The following SLC46A2 variants were observed in gnomAD, a reference collection of about 807,000 sequenced individuals.
The protein encoded by SLC46A2 is solute carrier family 46 member 2.
Under a neutral mutation model 33.1 loss-of-function variants are expected in SLC46A2, and 25 were observed. That is an observed-to-expected ratio of 0.76 (90% confidence interval 0.55 to 1.06). The LOEUF (loss-of-function observed/expected upper bound fraction) is 1.06, where lower values mean the gene tolerates loss of function less well. SLC46A2 is among the 50% of genes least tolerant of loss of function. The pLI is 0.00. For synonymous variants in SLC46A2, 254 were observed against 275.9 expected, an observed-to-expected ratio of 0.92 and a Z score of 0.79; for missense variants, 622 against 621.7, an observed-to-expected ratio of 1.00 and a Z score of 0.00.
chr9:112,890,801 CG>C lies in SLC46A2; in HGVS notation c.-121del, dbSNP rs1554760564. On this transcript the variant is annotated 5_prime_UTR_variant, in exon 1 of 4. Coordinates refer to ENST00000374228, the MANE Select transcript of SLC46A2 (RefSeq NM_033051.4). The surrounding 1 kb of genome is among the most constrained non-coding windows in gnomAD (Gnocchi z 6.0). ...CGGAGCGCGAGTGTGCTCCGTGCGC[CG>C]GGAGCGCGAGTGTGCTCCGTGCGCC... The C allele has an allele frequency of 6.4e-6, 5 of 779,904 alleles. No individual in the cohort carries two copies. Among genetic ancestry groups the C allele is most frequent in the Non-Finnish European group, 8.9e-6 (5 of 564,228 alleles). 48.3% of individuals were successfully genotyped at this position (779,904 alleles called of 1,614,324 possible). A position where few individuals can be genotyped will look rare whatever the true frequency, so the allele number is the denominator to read the frequency against.
In SLC46A2 at chr9:112,890,124, G is replaced by A. The variant is rs1239102677; in HGVS notation, c.558C>T (p.Cys186=). Residue 186 remains cysteine, a synonymous_variant, in exon 1 of 4, where the codon TGC becomes TGT. Transcript: ENST00000374228. This position sits in a 1 kb window ranked among gnomAD's most constrained non-coding sequence, Gnocchi z 6.0. The stretch of plus-strand genomic sequence containing the variant: ...AGAGATGCCCGGAAGCCATGCTCCC[G>A]CAGAACCCCGCCAAGCCCAGCATCA... The part of the protein sequence containing the change: ...IDLMLGLAGF[C]GSMASGHLFK... The A allele has an allele frequency of 6.2e-7, 1 of 1,613,408 alleles. No individual in the cohort carries two copies. Among genetic ancestry groups the A allele is most frequent in the Non-Finnish European group, 8.5e-7 (1 of 1,179,900 alleles).
intron 3 of SLC46A2, among the ~76,000 whole-genome samples, chr9:112,880,714 C>T (rs929622614): frequency 6.6e-6 from 1 of 152,204 alleles, no homozygotes; most frequent in Non-Finnish European, 1.5e-5. Context: ...GGCAATTGAA[C>T]TTGGTGGTCC....
intron 2 of SLC46A2, 55 bp from the exon 3 acceptor site, chr9:112,886,671 C>G (rs1841646698): frequency 2.5e-6 from 4 of 1,594,434 alleles, no homozygotes; most frequent in Non-Finnish European, 3.4e-6. Flanking sequence ...GCCTCACTCC[C>G]CATTAGCTGA....
At chr9:112,888,899 T>G (rs10759606) in intron 1 of SLC46A2, among the ~76,000 whole-genome samples, 109,126 of 136,662 alleles carry the variant, frequency 0.8, 43,593 homozygotes, top group Non-Finnish European at 0.86. Context: ...TTGTTTGTTT[T>G]TTTTTTTTTG....
chr9:112,887,201 G>A (rs761799978), intron 2 of SLC46A2, 129 bp downstream of exon 2: 3 of 780,204 alleles, frequency 3.8e-6, no homozygotes, highest in Non-Finnish European at 6.2e-6. Flanking sequence ...ATGGAAACCA[G>A]TGTTTCTAGT....
intron 3 of SLC46A2, among the ~76,000 whole-genome samples, chr9:112,880,708 A>G (rs1419270097): frequency 6.6e-6 from 1 of 152,186 alleles, no homozygotes; most frequent in Non-Finnish European, 1.5e-5. Context: ...GCAATGGGCA[A>G]TTGAACTTGG....
intron 2 of SLC46A2, 151 bp downstream of exon 2, chr9:112,887,179 T>C (rs1841652296): frequency 1.5e-6 from 1 of 678,624 alleles, no homozygotes; most frequent in East Asian, 2.9e-5. Flanking sequence ...GTCTCCACTC[T>C]CTGTGCCCTG....
At chr9:112,879,900 T>C in intron 3 of SLC46A2, 81 bp from the exon 4 acceptor site, 1 of 1,355,596 alleles carries the variant, frequency 7.4e-7, no homozygotes, top group Non-Finnish European at 1.1e-6. Context: ...GGGTTAATGA[T>C]AATTACAAGC....
Position 112,889,816 on chromosome 9 carries a change from C to A in SLC46A2, c.866G>T (p.Gly289Val). Residue 289 changes from glycine to valine, a missense_variant, in exon 1 of 4, where the codon GGT (glycine) becomes GTT (valine). Coordinates refer to ENST00000374228, the MANE Select transcript of SLC46A2 (RefSeq NM_033051.4). Reference sequence around the variant, plus strand: ...CACCGCCAGGTCATATATGATAGCACCCACAAAGAGCAAGGCAATGGTGGT... The same window carrying A: ...CACCGCCAGGTCATATATGATAGCAACCACAAAGAGCAAGGCAATGGTGGT... ...HKTTIALLFV[G>V]AIIYDLAVVG... is the part of the protein sequence containing the mutation. The A allele has an allele frequency of 1.9e-6, 3 of 1,614,184 alleles. No individual in the cohort carries two copies. The highest frequency in any genetic ancestry group is 2.2e-5 in the East Asian group (1 of 44,876).
intron 3 of SLC46A2, among the ~76,000 whole-genome samples, chr9:112,882,966 G>A (rs753515569): frequency 4.6e-5 from 7 of 152,212 alleles, no homozygotes; most frequent in Non-Finnish European, 7.3e-5. Flanking sequence ...CCAGAAGAAT[G>A]AGGTGTTTTG....
chr9:112,887,813 G>A (rs913831376), intron 1 of SLC46A2, among the ~76,000 whole-genome samples: 3 of 152,150 alleles, frequency 2.0e-5, no homozygotes, highest in Non-Finnish European at 2.9e-5. Flanking sequence ...AGATAGTCCC[G>A]GGAGCTTTGG....
intron 3 of SLC46A2, among the ~76,000 whole-genome samples, chr9:112,881,165 CTT>C (rs1323065112): frequency 6.6e-6 from 1 of 152,184 alleles, no homozygotes; most frequent in African/African-American, 2.4e-5. Flanking sequence ...ATCAGTGTGA[CTT>C]AGGCATGTCC....
rs117210829 is a variant in SLC46A2 at position 112,887,082 on chromosome 9, T to C, written c.1213+248A>G. On this transcript the variant is annotated intron_variant, in intron 2 of 3. Coordinates refer to ENST00000374228, the MANE Select transcript of SLC46A2 (RefSeq NM_033051.4). ...CACTAGGAATCCTGCCTCTATCTAG[T>C]TGAATCTTCCCAAGGCCTGTGGACG... Among the ~76,000 whole-genome samples the C allele has an allele frequency of 1.1e-3, 162 of 152,310 alleles. 2 individuals are homozygous for C. In the South Asian group the frequency reaches 0.015, roughly 14 times the overall value.
intron 3 of SLC46A2, among the ~76,000 whole-genome samples, chr9:112,884,114 A>C (rs573326594): frequency 6.6e-6 from 1 of 152,372 alleles, no homozygotes; most frequent in South Asian, 2.1e-4. Context: ...TCCCTATTGC[A>C]TCTAAAGAGC....
Position 112,879,731 on chromosome 9 carries a change from T to C in SLC46A2, c.*31A>G. ...TGTCTTCTGGGGGCCTGGCCATGGC[T>C]GATGTTTTCAGTTCCTGCAGGTAAG... On this transcript the variant is annotated 3_prime_UTR_variant, in exon 4 of 4. Coordinates refer to ENST00000374228, the MANE Select transcript of SLC46A2 (RefSeq NM_033051.4). 6.2e-7 allele frequency: 1 copy of C among 1,601,532 alleles called. No homozygotes were observed.
In SLC46A2 at chr9:112,889,845, A is replaced by G; in HGVS notation, c.837T>C (p.His279=). The change falls in exon 1 of 4, where the codon CAT becomes CAC. Residue 279 remains histidine, a synonymous_variant. Coordinates refer to ENST00000374228, the MANE Select transcript of SLC46A2 (RefSeq NM_033051.4). ...HPPSPGKAKP[H]KTTIALLFVG... is the part of the protein sequence containing the mutation. ...CAAAGAGCAAGGCAATGGTGGTTTT[A>G]TGGGGTTTTGCTTTTCCAGGAGATG... 1 of 1,614,184 alleles carries G rather than the reference A, an allele frequency of 6.2e-7. No individual in the cohort carries two copies. The highest frequency in any genetic ancestry group is 8.5e-7 in the Non-Finnish European group (1 of 1,180,034).
intron 3 of SLC46A2, chr9:112,885,675 GTGAAATACCTCAT>G (rs1841634700): frequency 6.6e-6 from 1 of 152,150 alleles, no homozygotes; most frequent in Non-Finnish European, 1.5e-5. Flanking sequence ...TAAATAAGAA[GTGAAATACCTCAT>G]TGACACATTT....
intron 1 of SLC46A2, among the ~76,000 whole-genome samples, chr9:112,888,980 T>C (rs1187125886): frequency 1.3e-5 from 2 of 151,454 alleles, no homozygotes; most frequent in Non-Finnish European, 2.9e-5. Context: ...AACCGCTGCC[T>C]CTTGGGTTCA....
At position 112,890,319 on chromosome 9, in the gene SLC46A2, G is replaced by C. The variant is rs1181171945; in HGVS notation, c.363C>G (p.Leu121=). The C allele has an allele frequency of 5.0e-6, 8 of 1,613,844 alleles. No homozygotes were observed. Among genetic ancestry groups the C allele is most frequent in the Non-Finnish European group, 6.8e-6 (8 of 1,179,990 alleles). Reference sequence around the variant, plus strand: ...CCAGCAGCACCTTGAGCAGCAGCCCGAGGCGGGAGAGCAGGAAGCCCAGCA... The same window carrying C: ...CCAGCAGCACCTTGAGCAGCAGCCCCAGGCGGGAGAGCAGGAAGCCCAGCA... ...MSLLGFLLSR[L]GLLLKVLLDW... The change falls in exon 1 of 4, where the codon CTC becomes CTG. Residue 121 remains leucine, a synonymous_variant. Coordinates refer to ENST00000374228, the MANE Select transcript of SLC46A2 (RefSeq NM_033051.4). This position sits in a 1 kb window ranked among gnomAD's most constrained non-coding sequence, Gnocchi z 6.0.
Sources: gnomAD v4.1 joint callset for allele counts (sites outside exome capture counted in the v4.1 genomes callset) on GRCh38, gnomAD v4.1.1 for gene constraint, Gnocchi (gnomAD v3.1) non-coding constraint, MANE v1.5 for transcripts, NCBI Gene and HGNC (gene_info 2026-07-23, HGNC 2026-07-21) for gene names.